Variants in ACSS3 observed in about 807,000 individuals in gnomAD.
The protein encoded by ACSS3 is acyl-CoA synthetase short-chain family member 3, mitochondrial.
In ACSS3, 64 loss-of-function variants were observed where a neutral mutation model predicts 84.2. The ratio of observed to expected loss-of-function variants is 0.76; its 90% CI spans 0.62 to 0.94. ACSS3 has a LOEUF of 0.94. ACSS3 is among the 40% of genes least tolerant of loss of function. ACSS3 has a pLI of 0.00. For synonymous variants in ACSS3, 317 were observed against 310.1 expected (o/e 1.02, Z -0.23); for missense variants, 815 against 867.6 (o/e 0.94, Z 0.76).
chr12:81,175,008 T>G, intron 8 of ACSS3, 69 bp downstream of exon 8: 6 of 1,535,402 alleles, frequency 3.9e-6, no homozygotes, highest in Middle Eastern at 3.8e-4. Flanking sequence ...GAACATTATT[T>G]TTTTTCTGGT....
chr12:81,255,720 A>G lies in ACSS3; in HGVS notation c.*798A>G, dbSNP rs1452980559. ...CTGAGGCAAGGAGAATCACTTGAAT[A>G]CAAGAGGCAGAGGTTGCAGTGAGCC... On this transcript the variant is annotated 3_prime_UTR_variant, in exon 16 of 16. Transcript: ENST00000548058. 2 of 152,222 alleles carry G rather than the reference A, an allele frequency of 1.3e-5. No homozygotes were observed. Among genetic ancestry groups the G allele is most frequent in the Non-Finnish European group, 2.9e-5 (2 of 68,108 alleles). 9.4% of individuals were successfully genotyped at this position (152,222 alleles called of 1,614,324 possible).
chr12:81,141,600 T>C (rs2135728946), intron 4 of ACSS3, among the ~76,000 whole-genome samples: 1 of 152,326 alleles, frequency 6.6e-6, no homozygotes, highest in Non-Finnish European at 1.5e-5. Context: ...ATACCTCTGT[T>C]TCTTAGCCTG....
chr12:81,137,684 A>C (rs1395097176), intron 3 of ACSS3, among the ~76,000 whole-genome samples: 1 of 152,146 alleles, frequency 6.6e-6, no homozygotes, highest in Non-Finnish European at 1.5e-5. Flanking sequence ...TCTAATTTTG[A>C]CTTTATTAAA....
At chr12:81,170,290 A>G (rs2029939314) in intron 7 of ACSS3, among the ~76,000 whole-genome samples, 1 of 152,170 alleles carries the variant, frequency 6.6e-6, no homozygotes, top group Non-Finnish European at 1.5e-5. Flanking sequence ...GTCATCTACA[A>G]TACATATTAA....
chr12:81,091,361 T>C (rs1001074955), intron 1 of ACSS3, among the ~76,000 whole-genome samples: 27 of 151,992 alleles, frequency 1.8e-4, no homozygotes, highest in African/African-American at 6.5e-4. Flanking sequence ...TATGATAAAA[T>C]TTTAATATAT....
intron 2 of ACSS3, among the ~76,000 whole-genome samples, chr12:81,121,816 C>T (rs148953300): frequency 1.2e-3 from 175 of 152,168 alleles, no homozygotes; most frequent in Non-Finnish European, 2.0e-3. Flanking sequence ...TTTGATTATA[C>T]AATGTGCCAT....
intron 2 of ACSS3, among the ~76,000 whole-genome samples, chr12:81,122,483 C>T (rs1177916003): frequency 1.3e-5 from 2 of 152,022 alleles, no homozygotes; most frequent in Admixed American, 6.6e-5. Flanking sequence ...AAAGTAACAA[C>T]TTTGTTTCAC....
At chr12:81,219,297 A>C (rs1326334190) in intron 10 of ACSS3, among the ~76,000 whole-genome samples, 1 of 152,158 alleles carries the variant, frequency 6.6e-6, no homozygotes, top group Non-Finnish European at 1.5e-5. Flanking sequence ...CCAGGAACAC[A>C]AAGAAGGGAA....
chr12:81,139,971 A>G (rs1886014988), intron 4 of ACSS3, among the ~76,000 whole-genome samples: 1 of 152,132 alleles, frequency 6.6e-6, no homozygotes, highest in Non-Finnish European at 1.5e-5. Flanking sequence ...TATTAACTAG[A>G]TGATAATATT....
At chr12:81,118,113 T>C (rs553020542) in intron 2 of ACSS3, 2 of 152,302 alleles carry the variant, frequency 1.3e-5, no homozygotes, top group East Asian at 3.9e-4. Flanking sequence ...CATACACACA[T>C]ACACTTTAAG....
At chr12:81,241,460 A>C (rs2033800581) in intron 13 of ACSS3, among the ~76,000 whole-genome samples, 1 of 152,120 alleles carries the variant, frequency 6.6e-6, no homozygotes, top group Non-Finnish European at 1.5e-5. Flanking sequence ...CAACAGTGTA[A>C]AAGTGTTCCT....
chr12:81,197,772 CTT>C (rs998604287), intron 8 of ACSS3, among the ~76,000 whole-genome samples: 6 of 152,036 alleles, frequency 3.9e-5, no homozygotes, highest in Non-Finnish European at 8.8e-5. Flanking sequence ...TTTCATCAAA[CTT>C]TTTCTTATGT....
chr12:81,129,068 A>G (rs1258026629), intron 2 of ACSS3, among the ~76,000 whole-genome samples: 2 of 152,172 alleles, frequency 1.3e-5, no homozygotes, highest in African/African-American at 4.8e-5. Flanking sequence ...TGTGGTTATC[A>G]GGTTATCAAA....
chr12:81,130,282 C>T (rs2121549769), intron 2 of ACSS3, among the ~76,000 whole-genome samples: 2 of 152,304 alleles, frequency 1.3e-5, no homozygotes, highest in East Asian at 3.9e-4. Context: ...TCCTGTCCAG[C>T]ACCTGTTGTT....
chr12:81,233,866 A>G (rs2033544988), intron 13 of ACSS3, among the ~76,000 whole-genome samples: 3 of 151,590 alleles, frequency 2.0e-5, no homozygotes, highest in Non-Finnish European at 4.4e-5. Context: ...ATTTTCTTCC[A>G]ATGTAAGTCA....
intron 11 of ACSS3, among the ~76,000 whole-genome samples, chr12:81,227,365 C>T (rs1486736459): frequency 2.0e-5 from 3 of 149,414 alleles, no homozygotes; most frequent in South Asian, 2.1e-4. Flanking sequence ...ATAGAATTAA[C>T]CATCACACCT....
intron 9 of ACSS3, among the ~76,000 whole-genome samples, chr12:81,209,105 T>C (rs1027529856): frequency 6.6e-6 from 1 of 152,104 alleles, no homozygotes; most frequent in Admixed American, 6.6e-5. Context: ...ATTTGCTACT[T>C]ATTTTTTTTA....
intron 1 of ACSS3, among the ~76,000 whole-genome samples, chr12:81,086,682 C>CA (rs546717868): frequency 9.2e-5 from 14 of 151,656 alleles, no homozygotes; most frequent in Admixed American, 5.9e-4. Context: ...GTTGAAAGGA[C>CA]AAAAAAAATC....
intron 12 of ACSS3, 106 bp downstream of exon 12, chr12:81,231,244 T>C (rs1303908638): frequency 7.5e-6 from 7 of 931,440 alleles, no homozygotes; most frequent in African/African-American, 5.1e-5. Flanking sequence ...AAAGAAACTT[T>C]TAAAGGTTAT....
Sources: gnomAD v4.1 joint callset for allele counts (sites outside exome capture counted in the v4.1 genomes callset) on GRCh38, gnomAD v4.1.1 for gene constraint, MANE v1.5 for transcripts, NCBI Gene and HGNC (gene_info 2026-07-23, HGNC 2026-07-21) for gene names.